Variants in DEPDC1B observed in about 807,000 individuals in gnomAD.
DEPDC1B encodes the protein DEP domain containing 1B.
A neutral mutation model predicts 66.5 loss-of-function variants in DEPDC1B; 51 were observed. The observed-to-expected ratio is 0.77, with a 90% CI of 0.61 to 0.97. The LOEUF (loss-of-function observed/expected upper bound fraction) is 0.97. Among genes scored for constraint, DEPDC1B ranks in the 50% least tolerant of loss-of-function variants. The pLI, the probability that DEPDC1B is intolerant of heterozygous loss-of-function variation, is 0.00. For missense variants in DEPDC1B, 552 were observed against 637.1 expected, an observed-to-expected ratio of 0.87 and a Z score of 1.44; for synonymous variants, 226 against 223.6, an observed-to-expected ratio of 1.01 and a Z score of -0.10.
chr5:60,624,214 A>T (rs1752765154), intron 7 of DEPDC1B, among the ~76,000 whole-genome samples: 1 of 152,126 alleles, frequency 6.6e-6, no homozygotes, highest in Non-Finnish European at 1.5e-5. Context: ...GGTGTTGAAT[A>T]TTGTCACATA....
intron 2 of DEPDC1B, among the ~76,000 whole-genome samples, chr5:60,661,661 T>C (rs1753717848): frequency 6.6e-6 from 1 of 152,236 alleles, no homozygotes; most frequent in African/African-American, 2.4e-5. Flanking sequence ...AGAGATATAA[T>C]GTTACTGCTA....
In DEPDC1B at chr5:60,613,126, G is replaced by A. The variant is rs577161253; in HGVS notation, c.899-7270C>T. Reference sequence around the variant, plus strand: ...CCATGATTTGACCCTTACAAAGTCTGCATAACAAAAACACATTTTAAAATA... The same window carrying A: ...CCATGATTTGACCCTTACAAAGTCTACATAACAAAAACACATTTTAAAATA... On this transcript the variant is annotated intron_variant, in intron 7 of 10. Coordinates refer to ENST00000265036, the MANE Select transcript of DEPDC1B (RefSeq NM_018369.3). Among the ~76,000 whole-genome samples the A allele has an allele frequency of 3.3e-5, 5 of 152,254 alleles. No homozygotes were observed. The South Asian group carries it at 1.0e-3, about 32-fold the overall frequency.
At chr5:60,619,306 A>G (rs1752644877) in intron 7 of DEPDC1B, among the ~76,000 whole-genome samples, 1 of 152,246 alleles carries the variant, frequency 6.6e-6, no homozygotes, top group South Asian at 2.1e-4. Flanking sequence ...AGGAAGGAGA[A>G]GGAAATAAAG....
In DEPDC1B at chr5:60,687,081, A is replaced by G; in HGVS notation, c.195T>C (p.Pro65=). 3 of 1,614,198 alleles carry G rather than the reference A, an allele frequency of 1.9e-6. No individual in the cohort carries two copies. Among genetic ancestry groups the G allele is most frequent in the Non-Finnish European group, 2.5e-6 (3 of 1,180,042 alleles). The change falls in exon 2 of 11, where the codon CCT becomes CCC. Residue 65 remains proline (P), a synonymous_variant. Transcript: ENST00000265036. ...ELLRCSQNFG[P]EVTRKQTVQL... ...GGACCGTTTGTTTGCGGGTCACTTC[A>G]GGGCCGAAGTTTTGACTGCACCTCA...
chr5:60,630,725 C>G (rs1338651982), intron 7 of DEPDC1B: 1 of 152,652 alleles, frequency 6.6e-6, no homozygotes, highest in Non-Finnish European at 1.5e-5. Context: ...AGGAGCTGAT[C>G]CACAGCTTGC....
At chr5:60,618,140 T>A (rs1752607383) in intron 7 of DEPDC1B, among the ~76,000 whole-genome samples, 1 of 152,094 alleles carries the variant, frequency 6.6e-6, no homozygotes, top group Non-Finnish European at 1.5e-5. Context: ...TTCAAAGTAG[T>A]TTGTAGTGGG....
intron 2 of DEPDC1B, among the ~76,000 whole-genome samples, chr5:60,664,471 G>A (rs1011125426): frequency 6.6e-6 from 1 of 152,170 alleles, no homozygotes; most frequent in African/African-American, 2.4e-5. Context: ...TACTTGAAGG[G>A]CCAGTGCTGC....
chr5:60,637,691 G>T (rs868127785), intron 7 of DEPDC1B, among the ~76,000 whole-genome samples: 1 of 152,088 alleles, frequency 6.6e-6, no homozygotes, highest in Non-Finnish European at 1.5e-5. Flanking sequence ...TACCAAGAAG[G>T]TCCAGTAGTC....
chr5:60,649,553 A>G (rs184359427), intron 2 of DEPDC1B, among the ~76,000 whole-genome samples: 7 of 152,290 alleles, frequency 4.6e-5, no homozygotes, highest in African/African-American at 1.7e-4. Flanking sequence ...TTTAATCCTA[A>G]TATTTTAATA....
At chr5:60,642,765 A>G (rs1280274891) in intron 6 of DEPDC1B, 47 bp downstream of exon 6, 1 of 1,529,300 alleles carries the variant, frequency 6.5e-7, no homozygotes. Flanking sequence ...AATTTAGGGC[A>G]CTAATTTCTG....
intron 7 of DEPDC1B, among the ~76,000 whole-genome samples, chr5:60,613,889 G>A (rs1461822652): frequency 6.6e-6 from 1 of 150,780 alleles, no homozygotes; most frequent in Non-Finnish European, 1.5e-5. Context: ...GAGGTTTTAA[G>A]CATTCCTGTA....
chr5:60,684,356 AAAGC>A (rs1264100743), intron 2 of DEPDC1B, among the ~76,000 whole-genome samples: 1 of 152,240 alleles, frequency 6.6e-6, no homozygotes, highest in East Asian at 1.9e-4. Flanking sequence ...AATATACTAC[AAAGC>A]AATAGTAATG....
At chr5:60,637,565 G>A (rs953119624) in intron 7 of DEPDC1B, among the ~76,000 whole-genome samples, 3 of 152,164 alleles carry the variant, frequency 2.0e-5, no homozygotes, top group African/African-American at 7.2e-5. Flanking sequence ...TACAGTTGCT[G>A]TAATAGGAAT....
At chr5:60,667,964 G>T (rs1407875681) in intron 2 of DEPDC1B, among the ~76,000 whole-genome samples, 2 of 108,586 alleles carry the variant, frequency 1.8e-5, no homozygotes, top group African/African-American at 3.6e-5. Flanking sequence ...TATATATAAT[G>T]GATATTTTAT....
In DEPDC1B at chr5:60,597,168, A is replaced by G. The variant is rs1320992799; in HGVS notation, c.*585T>C. 1 of 152,662 alleles carries G rather than the reference A, an allele frequency of 6.6e-6. No individual in the cohort carries two copies. Among genetic ancestry groups the G allele is most frequent in the African/African-American group, 2.4e-5 (1 of 41,462 alleles). The allele number at this position is 152,662 out of a possible 1,614,324, so 9.5% of individuals were successfully genotyped here. On this transcript the variant is annotated 3_prime_UTR_variant, in exon 11 of 11. Transcript: ENST00000265036. ...CAACTAATATATATGTTATAAAAAC[A>G]CTAGCTTTAGTAAAATCTGTCATAA...
At chr5:60,642,601 T>C (rs561009170) in intron 6 of DEPDC1B, among the ~76,000 whole-genome samples, 1 of 152,300 alleles carries the variant, frequency 6.6e-6, no homozygotes, top group East Asian at 1.9e-4. Context: ...TACTAGAAAG[T>C]AGAAGTACTA....
At chr5:60,684,869 C>T (rs1481289283) in intron 2 of DEPDC1B, among the ~76,000 whole-genome samples, 1 of 152,072 alleles carries the variant, frequency 6.6e-6, no homozygotes, top group African/African-American at 2.4e-5. Context: ...ATACAAGGAG[C>T]TCAACAACAA....
chr5:60,636,977 G>A (rs1038010927), intron 7 of DEPDC1B, among the ~76,000 whole-genome samples: 2 of 152,170 alleles, frequency 1.3e-5, no homozygotes, highest in African/African-American at 2.4e-5. Context: ...AAATAGAGCA[G>A]TGACATCGTA....
At chr5:60,667,463 A>G (rs935844316) in intron 2 of DEPDC1B, among the ~76,000 whole-genome samples, 1 of 143,582 alleles carries the variant, frequency 7.0e-6, no homozygotes, top group African/African-American at 2.6e-5. Context: ...ACATATATAC[A>G]AAAAATGGAT....
Sources: gnomAD v4.1 joint callset for allele counts (sites outside exome capture counted in the v4.1 genomes callset) on GRCh38, gnomAD v4.1.1 for gene constraint, MANE v1.5 for transcripts, NCBI Gene and HGNC (gene_info 2026-07-23, HGNC 2026-07-21) for gene names.